TSPEAR: variants seen among roughly 807,000 people sequenced by gnomAD.
TSPEAR encodes the protein thrombospondin-type laminin G domain and EAR repeat-containing protein.
A neutral mutation model predicts 71.6 loss-of-function variants in TSPEAR; 69 were observed. The ratio of observed to expected loss-of-function variants is 0.96; its 90% CI spans 0.79 to 1.18. TSPEAR has a LOEUF of 1.18. TSPEAR is among the 50% of genes most tolerant of loss of function. The pLI is 0.00. For missense variants in TSPEAR, 971 were observed against 894.9 expected (o/e 1.09, Z -1.09); for synonymous variants, 402 against 387.2 (o/e 1.04, Z -0.45).
rs140706843 is a variant in TSPEAR at position 44,509,239 on chromosome 21, C to T, written c.1714G>A (p.Ala572Thr). 98 of 1,613,924 alleles carry T rather than the reference C, an allele frequency of 6.1e-5. No individual in the cohort carries two copies. The highest frequency in any genetic ancestry group is 1.9e-4 in the South Asian group (17 of 91,084). The change falls in exon 10 of 12, where the codon GCG becomes ACG. Residue 572 changes from alanine to threonine, a missense_variant. Ala to Thr is a moderately conservative substitution (Grantham distance 58). Transcript: ENST00000323084. The stretch of plus-strand genomic sequence containing the variant: ...TCCTGGAACTTGACAAAGGCCTGCG[C>T]GGTCACGTTCAGCTCGTAGATGACG... ...NSVIYELNVT[A>T]QAFVKFQDIL... is the part of the protein sequence containing the mutation.
chr21:44,542,888 C>T (rs1033356368), intron 2 of TSPEAR, among the ~76,000 whole-genome samples: 4 of 151,650 alleles, frequency 2.6e-5, no homozygotes, highest in Admixed American at 6.6e-5. Context: ...AATTTAAAAA[C>T]AGCCAGAGGA....
intron 1 of TSPEAR, among the ~76,000 whole-genome samples, chr21:44,633,885 A>G (rs1555936150): frequency 6.6e-6 from 1 of 151,482 alleles, no homozygotes; most frequent in African/African-American, 2.4e-5. Flanking sequence ...TCTTCTTTCC[A>G]TTTATGCTTG....
chr21:44,696,177 CT>C (rs1367580935), intron 1 of TSPEAR, among the ~76,000 whole-genome samples: 5 of 152,098 alleles, frequency 3.3e-5, no homozygotes, highest in Non-Finnish European at 5.9e-5. Context: ...GAAGGAGCTC[CT>C]TTTTTATAGC....
At chr21:44,629,581 G>A (rs1255981452) in intron 1 of TSPEAR, among the ~76,000 whole-genome samples, 1 of 152,214 alleles carries the variant, frequency 6.6e-6, no homozygotes, top group African/African-American at 2.4e-5. Context: ...TCTGGCTTTG[G>A]CCCTTGAGGC....
At position 44,711,422 on chromosome 21, in the gene TSPEAR, C is replaced by T. The variant is rs1555953597; in HGVS notation, c.82+11G>A. 12 of 1,587,780 alleles carry T rather than the reference C, an allele frequency of 7.6e-6. No individual in the cohort carries two copies. Among genetic ancestry groups the T allele is most frequent in the Non-Finnish European group, 1.0e-5 (12 of 1,167,620 alleles). On this transcript the variant is annotated intron_variant, in intron 1 of 11. Coordinates refer to ENST00000323084, the MANE Select transcript of TSPEAR (RefSeq NM_144991.3). This position sits in a 1 kb window ranked among gnomAD's most constrained non-coding sequence, Gnocchi z 4.5. ...GATACCCCCGCCCGAGTTCCCATGC[C>T]CCTGCCTTACCTGTGCAGGGCTCCC...
chr21:44,574,786 C>G (rs781949338), intron 1 of TSPEAR: 3 of 1,614,184 alleles, frequency 1.9e-6, no homozygotes, highest in South Asian at 1.1e-5. Context: ...TGCCAGCAAT[C>G]TAGCTGCCAG....
chr21:44,595,659 G>A (rs911959981), intron 1 of TSPEAR, among the ~76,000 whole-genome samples: 1 of 152,212 alleles, frequency 6.6e-6, no homozygotes, highest in Admixed American at 6.5e-5. Flanking sequence ...GGAACGTGCG[G>A]CACTGAGGAG....
intron 10 of TSPEAR, among the ~76,000 whole-genome samples, chr21:44,505,567 TCCCCCC>T (rs1270275295): frequency 3.5e-4 from 3 of 8,506 alleles, no homozygotes; most frequent in South Asian, 0.014. Flanking sequence ...CCCTCCCCCC[TCCCCCC>T]CCCCCCCCCC....
intron 1 of TSPEAR, among the ~76,000 whole-genome samples, chr21:44,639,655 T>C (rs2838607): frequency 0.2 from 31,106 of 152,168 alleles, 3,348 homozygotes; most frequent in African/African-American, 0.25. Flanking sequence ...CGAGCCTTCA[T>C]CCTAGGTCTC....
intron 1 of TSPEAR, among the ~76,000 whole-genome samples, chr21:44,636,943 C>A (rs1983609309): frequency 6.6e-6 from 1 of 152,240 alleles, no homozygotes; most frequent in African/African-American, 2.4e-5. Flanking sequence ...TGTCTTCAAG[C>A]ATCTTTTCCC....
At chr21:44,616,741 C>T (rs797036863) in intron 1 of TSPEAR, among the ~76,000 whole-genome samples, 18 of 152,374 alleles carry the variant, frequency 1.2e-4, no homozygotes, top group African/African-American at 1.9e-4. Flanking sequence ...CCTGGCTCAG[C>T]GCAGGCAGCG....
intron 5 of TSPEAR, among the ~76,000 whole-genome samples, chr21:44,528,792 G>T (rs938959131): frequency 4.6e-5 from 7 of 152,220 alleles, no homozygotes; most frequent in Admixed American, 3.3e-4. Flanking sequence ...ACATCATGAT[G>T]CCCCCTATAT....
intron 1 of TSPEAR, chr21:44,575,185 C>CA (rs1978350114): frequency 1.3e-6 from 1 of 768,148 alleles, no homozygotes; most frequent in African/African-American, 1.8e-5. Context: ...AGCCCTCTTG[C>CA]GGGGGGAGGG....
At chr21:44,549,376 AAT>A (rs2053360279) in intron 2 of TSPEAR, among the ~76,000 whole-genome samples, 1 of 152,250 alleles carries the variant, frequency 6.6e-6, no homozygotes, top group African/African-American at 2.4e-5. Context: ...TATCGTTTGT[AAT>A]AATGAACAAC....
chr21:44,702,500 G>T, intron 1 of TSPEAR: 1 of 1,608,728 alleles, frequency 6.2e-7, no homozygotes, highest in Admixed American at 1.7e-5. Flanking sequence ...CCTGTCTGTT[G>T]CAAGCCCGTC....
chr21:44,650,412 T>TGTAACGACGGCGGCAGAGACTGGGGCCAC (rs1569240973), intron 1 of TSPEAR, among the ~76,000 whole-genome samples: 4 of 14,698 alleles, frequency 2.7e-4, no homozygotes, highest in African/African-American at 2.5e-3. Context: ...GAGAACGCCA[T>TGTAACGACGGCGGCAGAGACTGGGGCCAC]GTGACGACGG....
In TSPEAR at chr21:44,574,719, G is replaced by A. The variant is rs201319223; in HGVS notation, c.83-6714C>T. 743 of 1,609,004 alleles carry A rather than the reference G, an allele frequency of 4.6e-4. 3 individuals carry two copies. In the African/African-American group the frequency reaches 8.3e-3, roughly 18 times the overall value. ...AAGCCAGCAGGGCTGCTGCGTGCCC[G>A]TCTGCTGCAAGCCTGTGAGCTGTGT... On this transcript the variant is annotated intron_variant, in intron 1 of 11. Coordinates refer to ENST00000323084, the MANE Select transcript of TSPEAR (RefSeq NM_144991.3).
intron 1 of TSPEAR, among the ~76,000 whole-genome samples, chr21:44,697,015 AGCACCCAGACGC>A (rs1987371761): frequency 7.3e-6 from 1 of 137,470 alleles, no homozygotes; most frequent in Non-Finnish European, 1.6e-5. Flanking sequence ...CTTCCCATCC[AGCACCCAGACGC>A]TCACTCACTC....
Position 44,627,852 on chromosome 21 carries a change from C to T in TSPEAR, c.83-59847G>A, listed in dbSNP as rs781938468. 8 of 1,613,660 alleles carry T rather than the reference C, an allele frequency of 5.0e-6. No individual in the cohort carries two copies. The Admixed American group carries it at 5.0e-5, about 10-fold the overall frequency. ...GCTGCACCACCTCCTGCTGCAGACCCTCCTCCTCTGTGTCCCTCCTCTGCC... is the reference window on the plus strand; with the variant it reads ...GCTGCACCACCTCCTGCTGCAGACCTTCCTCCTCTGTGTCCCTCCTCTGCC... On this transcript the variant is annotated intron_variant, in intron 1 of 11. Transcript: ENST00000323084.
Sources: gnomAD v4.1 joint callset for allele counts (sites outside exome capture counted in the v4.1 genomes callset) on GRCh38, gnomAD v4.1.1 for gene constraint, Gnocchi (gnomAD v3.1) non-coding constraint, MANE v1.5 for transcripts, NCBI Gene and HGNC (gene_info 2026-07-23, HGNC 2026-07-21) for gene names.